Variants in SMOC2 observed in about 807,000 individuals in gnomAD.
The protein encoded by SMOC2 is SPARC related modular calcium binding 2.
In SMOC2, 39 loss-of-function variants were observed where a neutral mutation model predicts 61.4. The observed-to-expected ratio is 0.64, with a 90% CI of 0.49 to 0.83. The LOEUF is 0.83. SMOC2 is among the 40% of genes least tolerant of loss of function. The pLI is 0.00. For synonymous variants in SMOC2, 247 were observed against 239.9 expected (o/e 1.03, Z -0.27); for missense variants, 556 against 592.9 (o/e 0.94, Z 0.65).
At position 168,658,679 on chromosome 6, in the gene SMOC2, G is replaced by A. The variant is rs145854306; in HGVS notation, c.1286-5395G>A. ...GTTCCAGCAATTGGCGGGTTTTCAG[G>A]TAGAGTAATTGGGCCCAGAGCTGTG... is the stretch of plus-strand genomic sequence containing the variant. On this transcript the variant is annotated intron_variant, in intron 11 of 12. Transcript: ENST00000356284. Among the ~76,000 whole-genome samples the A allele has an allele frequency of 1.8e-3, 271 of 152,304 alleles. 7 individuals are homozygous for A. The highest frequency in any genetic ancestry group is 0.015 in the Admixed American group (227 of 15,306).
At chr6:168,568,797 G>A (rs904914034) in intron 7 of SMOC2, among the ~76,000 whole-genome samples, 1 of 152,120 alleles carries the variant, frequency 6.6e-6, no homozygotes, top group Non-Finnish European at 1.5e-5. Flanking sequence ...CTTAAAGACT[G>A]GCTTCCTTTG....
chr6:168,604,568 C>T (rs1442932198), intron 8 of SMOC2, among the ~76,000 whole-genome samples: 1 of 152,160 alleles, frequency 6.6e-6, no homozygotes, highest in Non-Finnish European at 1.5e-5. Flanking sequence ...TAAGCAGCCC[C>T]AGGGAGATAC....
At chr6:168,652,303 A>G (rs1787215764) in intron 10 of SMOC2, among the ~76,000 whole-genome samples, 1 of 152,178 alleles carries the variant, frequency 6.6e-6, no homozygotes, top group Non-Finnish European at 1.5e-5. Context: ...CGGTGTTCTC[A>G]TACCTGGGAA....
chr6:168,545,619 G>C (rs1783979134), intron 5 of SMOC2, among the ~76,000 whole-genome samples: 1 of 152,160 alleles, frequency 6.6e-6, no homozygotes, highest in African/African-American at 2.4e-5. Context: ...CTGGTGCCCA[G>C]AATCAGGGCT....
chr6:168,488,004 G>A (rs1403582642), intron 1 of SMOC2, among the ~76,000 whole-genome samples: 1 of 152,150 alleles, frequency 6.6e-6, no homozygotes, highest in Non-Finnish European at 1.5e-5. Flanking sequence ...ATTTGAGGAG[G>A]AGTATTTTAC....
intron 9 of SMOC2, among the ~76,000 whole-genome samples, chr6:168,624,705 C>T (rs572536421): frequency 1.3e-4 from 20 of 151,772 alleles, no homozygotes; most frequent in East Asian, 9.7e-4. Context: ...CAGATGTACA[C>T]GGACACACAG....
chr6:168,581,057 C>G (rs961020448), intron 7 of SMOC2, among the ~76,000 whole-genome samples: 2 of 152,158 alleles, frequency 1.3e-5, no homozygotes, highest in Admixed American at 1.3e-4. Context: ...CTGATTCCCC[C>G]CTGGTTTTTA....
chr6:168,624,810 G>A (rs1786353214), intron 9 of SMOC2, among the ~76,000 whole-genome samples: 1 of 121,282 alleles, frequency 8.2e-6, no homozygotes, highest in African/African-American at 3.2e-5. Flanking sequence ...CATGCACACA[G>A]ACACACATTG....
chr6:168,459,431 A>G (rs1278626196), intron 1 of SMOC2, among the ~76,000 whole-genome samples: 1 of 152,166 alleles, frequency 6.6e-6, no homozygotes, highest in African/African-American at 2.4e-5. Context: ...TGTGGGGAAG[A>G]TGAGTTCCTT....
chr6:168,552,490 T>A (rs953710269), intron 7 of SMOC2, among the ~76,000 whole-genome samples: 1 of 152,186 alleles, frequency 6.6e-6, no homozygotes. Flanking sequence ...TGTTTCTTTA[T>A]ATCAGATAAA....
At chr6:168,510,543 T>C (rs1384628633) in intron 2 of SMOC2, among the ~76,000 whole-genome samples, 2 of 152,232 alleles carry the variant, frequency 1.3e-5, no homozygotes, top group African/African-American at 4.8e-5. Context: ...ATTGAAATGC[T>C]TCCTACATCA....
chr6:168,511,564 A>G (rs932645917), intron 2 of SMOC2, among the ~76,000 whole-genome samples: 1 of 152,212 alleles, frequency 6.6e-6, no homozygotes, highest in Non-Finnish European at 1.5e-5. Flanking sequence ...CAGCCAAACC[A>G]TATCAGGGTG....
intron 9 of SMOC2, among the ~76,000 whole-genome samples, chr6:168,616,392 T>A (rs993036477): frequency 5.3e-5 from 8 of 152,172 alleles, no homozygotes; most frequent in African/African-American, 1.9e-4. Context: ...GACTGGGTGT[T>A]GAGGAGGCTG....
chr6:168,492,360 T>C (rs1488272927), intron 1 of SMOC2, among the ~76,000 whole-genome samples: 1 of 152,224 alleles, frequency 6.6e-6, no homozygotes, highest in African/African-American at 2.4e-5. Flanking sequence ...TCACCTTCTA[T>C]TTTCAAAGCA....
In SMOC2 at chr6:168,666,804, C is replaced by T. The variant is rs772833020; in HGVS notation, c.*366C>T. 61 of 213,590 alleles carry T rather than the reference C, an allele frequency of 2.9e-4. No individual in the cohort carries two copies. The highest frequency in any genetic ancestry group is 8.4e-5 in the Non-Finnish European group (9 of 107,282). The allele number at this position is 213,590 out of a possible 1,614,324, so 13.2% of individuals were successfully genotyped here. The stretch of plus-strand genomic sequence containing the variant: ...TAACCCCTGCAGTCACTTCCAGATG[C>T]CTGTGCTTACAGCATTGTGGAATCA... On this transcript the variant is annotated 3_prime_UTR_variant, in exon 13 of 13. Coordinates refer to ENST00000356284, the MANE Select transcript of SMOC2 (RefSeq NM_001166412.2).
intron 7 of SMOC2, 52 bp from the exon 8 acceptor site, chr6:168,598,765 GT>G: frequency 6.3e-7 from 1 of 1,589,020 alleles, no homozygotes; most frequent in Non-Finnish European, 8.6e-7. Flanking sequence ...AGCTCTGCAT[GT>G]GGGACGACGT....
intron 7 of SMOC2, among the ~76,000 whole-genome samples, chr6:168,554,747 G>T (rs1488759543): frequency 1.3e-5 from 2 of 152,186 alleles, no homozygotes; most frequent in African/African-American, 2.4e-5. Context: ...CCTTAACACC[G>T]TGTGCCCAAT....
intron 9 of SMOC2, among the ~76,000 whole-genome samples, chr6:168,621,742 A>G (rs558409020): frequency 1.3e-5 from 2 of 152,238 alleles, no homozygotes; most frequent in Admixed American, 6.5e-5. Flanking sequence ...CTCACTCGCT[A>G]TCTGGAGAAC....
intron 9 of SMOC2, among the ~76,000 whole-genome samples, chr6:168,637,558 C>T (rs1010304506): frequency 6.6e-6 from 1 of 152,182 alleles, no homozygotes; most frequent in Non-Finnish European, 1.5e-5. Context: ...CTAGAGGATC[C>T]TGGAGAAGCA....
Sources: allele counts gnomAD v4.1 joint callset (sites outside exome capture counted in the v4.1 genomes callset), GRCh38; gene constraint gnomAD v4.1.1; transcripts MANE v1.5; gene names NCBI Gene and HGNC (gene_info 2026-07-23, HGNC 2026-07-21).